Variants in MYLK4 observed in about 807,000 individuals in gnomAD.
MYLK4 encodes myosin light chain kinase family member 4, also known as caMLCK like.
A neutral mutation model predicts 48.1 loss-of-function variants in MYLK4; 46 were observed. The observed-to-expected ratio is 0.96, with a 90% CI of 0.75 to 1.22. The LOEUF is 1.22. Among genes scored for constraint, MYLK4 ranks in the 50% most tolerant of loss-of-function variants. The pLI, the probability that MYLK4 is intolerant of heterozygous loss-of-function variation, is 0.00. For missense variants in MYLK4, 451 were observed against 486.1 expected, an observed-to-expected ratio of 0.93 and a Z score of 0.68; for synonymous variants, 170 against 180.8, an observed-to-expected ratio of 0.94 and a Z score of 0.48.
intron 10 of MYLK4, among the ~76,000 whole-genome samples, chr6:2,677,342 C>T (rs1761118740): frequency 6.6e-6 from 1 of 152,176 alleles, no homozygotes; most frequent in Non-Finnish European, 1.5e-5. Context: ...ACTGTTTCCC[C>T]ACTCCCTGTG....
chr6:2,683,427 G>A (rs930795217), intron 6 of MYLK4, among the ~76,000 whole-genome samples: 2 of 142,400 alleles, frequency 1.4e-5, no homozygotes, highest in African/African-American at 5.2e-5. Context: ...GTGTGTGTGT[G>A]TGTGTGTTTT....
rs1400234728 is a variant in MYLK4, at chr6:2,667,644, T to TA, written c.*280dup. On this transcript the variant is annotated 3_prime_UTR_variant, in exon 13 of 13. Transcript: ENST00000274643. The stretch of plus-strand genomic sequence containing the variant: ...AGATCAAAAAATTTTTTTAAAAAAG[T>TA]AAAAAATCTCAAGATGGCAGGGAAA... 1 of 152,554 alleles carries TA rather than the reference T, an allele frequency of 6.6e-6. No homozygotes were observed. The highest frequency in any genetic ancestry group is 1.5e-5 in the Non-Finnish European group (1 of 68,014). 9.5% of individuals were successfully genotyped at this position (152,554 alleles called of 1,614,324 possible). A position where few individuals can be genotyped will look rare whatever the true frequency, so the allele number is the denominator to read the frequency against.
chr6:2,722,512 AGTGTGTGTGTGTGTGT>A (rs369339405), intron 2 of MYLK4, among the ~76,000 whole-genome samples: 311 of 139,542 alleles, frequency 2.2e-3, no homozygotes, highest in Admixed American at 3.2e-3. Context: ...ACATAAAAGG[AGTGTGTGTGTGTGTGT>A]GTGTGTGTGT....
intron 2 of MYLK4, among the ~76,000 whole-genome samples, chr6:2,713,354 A>G (rs1768561966): frequency 6.7e-6 from 1 of 149,860 alleles, no homozygotes; most frequent in South Asian, 2.1e-4. Context: ...AGCCTGGGCA[A>G]CAAGAGTGAA....
intron 2 of MYLK4, among the ~76,000 whole-genome samples, chr6:2,709,886 C>T (rs779123318): frequency 3.6e-4 from 55 of 152,166 alleles, no homozygotes; most frequent in Non-Finnish European, 7.5e-4. Flanking sequence ...ACCCAAAATA[C>T]TGTCTCTGTC....
At chr6:2,694,059 G>T (rs1761921441) in intron 2 of MYLK4, among the ~76,000 whole-genome samples, 1 of 152,138 alleles carries the variant, frequency 6.6e-6, no homozygotes, top group African/African-American at 2.4e-5. Flanking sequence ...ATGTCCGGCT[G>T]CAAATGTGCT....
chr6:2,766,944 C>G, the MYLK4 span, among the ~76,000 whole-genome samples: 3 of 152,096 alleles, frequency 2.0e-5, no homozygotes, highest in Admixed American at 1.3e-4. Context: ...GGTATTTATT[C>G]TTAAGAATAA....
intron 7 of MYLK4, among the ~76,000 whole-genome samples, chr6:2,681,107 G>GA (rs1007235063): frequency 6.6e-6 from 1 of 152,020 alleles, no homozygotes; most frequent in African/African-American, 2.4e-5. Context: ...TTATAAAAGA[G>GA]AAAAAAAGTT....
intron 3 of MYLK4, among the ~76,000 whole-genome samples, chr6:2,691,724 G>A (rs753338220): frequency 5.3e-5 from 8 of 152,100 alleles, no homozygotes; most frequent in Non-Finnish European, 1.0e-4. Flanking sequence ...ATTCCTGTGG[G>A]CACTATTAAT....
intron 1 of MYLK4, among the ~76,000 whole-genome samples, chr6:2,750,534 G>T (rs1299389173): frequency 6.6e-6 from 1 of 152,174 alleles, no homozygotes; most frequent in Non-Finnish European, 1.5e-5. Context: ...ATGGTTAATT[G>T]CAGATGAAAC....
intron 2 of MYLK4, among the ~76,000 whole-genome samples, chr6:2,711,650 A>G (rs1393102640): frequency 6.6e-6 from 1 of 152,246 alleles, no homozygotes; most frequent in Non-Finnish European, 1.5e-5. Context: ...ACGACCTCAC[A>G]GCAACACACT....
intron 9 of MYLK4, 69 bp downstream of exon 9, chr6:2,679,211 A>C (rs1380501329): frequency 1.0e-4 from 166 of 1,582,852 alleles, no homozygotes; most frequent in Non-Finnish European, 1.4e-4. Flanking sequence ...GCTTTTATTT[A>C]AAACGGCAAA....
intron 2 of MYLK4, among the ~76,000 whole-genome samples, chr6:2,693,528 C>T (rs1322166069): frequency 6.6e-6 from 1 of 152,156 alleles, no homozygotes; most frequent in Non-Finnish European, 1.5e-5. Context: ...ATTAGTTGAG[C>T]AAACCGTTAG....
At chr6:2,674,962 T>C (rs917727408) in intron 11 of MYLK4, 85 bp downstream of exon 11, 3 of 905,416 alleles carry the variant, frequency 3.3e-6, no homozygotes, top group Admixed American at 3.9e-5. Context: ...AAGAATCTTA[T>C]TTAAGGTTAA....
At chr6:2,694,532 A>ATGGTGGTGATG (rs1761964920) in intron 2 of MYLK4, among the ~76,000 whole-genome samples, 1 of 2,178 alleles carries the variant, frequency 4.6e-4, no homozygotes, top group African/African-American at 1.8e-3. Context: ...TGGTGGTGGT[A>ATGGTGGTGATG]GTAGTGTTGG....
At chr6:2,742,340 G>A (rs1028867172) in intron 2 of MYLK4, among the ~76,000 whole-genome samples, 1 of 152,142 alleles carries the variant, frequency 6.6e-6, no homozygotes, top group African/African-American at 2.4e-5. Context: ...AATAAATAAG[G>A]CATTTGACCC....
rs535317703 is a variant in MYLK4, at chr6:2,683,224, C to T, written c.546-62G>A. The T allele has an allele frequency of 8.7e-5, 138 of 1,590,972 alleles. No homozygotes were observed. In the African/African-American group the frequency reaches 1.1e-3, roughly 13 times the overall value. Reference sequence around the variant, plus strand: ...TTTCCTTACCACCATGTGCTTTTCTCGTAGTGACTTGTCGTGCAAGTTCTG... The same window carrying T: ...TTTCCTTACCACCATGTGCTTTTCTTGTAGTGACTTGTCGTGCAAGTTCTG... On this transcript the variant is annotated intron_variant, in intron 6 of 12. Transcript: ENST00000274643.
intron 2 of MYLK4, among the ~76,000 whole-genome samples, chr6:2,693,872 C>T (rs2113177841): frequency 6.6e-6 from 1 of 152,032 alleles, no homozygotes; most frequent in South Asian, 2.1e-4. Flanking sequence ...ATTCTCCTGC[C>T]TCAGCCTCCT....
chr6:2,706,058 A>G (rs1164181234), intron 2 of MYLK4, among the ~76,000 whole-genome samples: 1 of 152,210 alleles, frequency 6.6e-6, no homozygotes, highest in South Asian at 2.1e-4. Context: ...CGTCGATAAC[A>G]CTGAATAATA....
Sources: allele counts gnomAD v4.1 joint callset (sites outside exome capture counted in the v4.1 genomes callset), GRCh38; gene constraint gnomAD v4.1.1; transcripts MANE v1.5; gene names NCBI Gene and HGNC (gene_info 2026-07-23, HGNC 2026-07-21).